Variants in ARHGAP6 observed in about 807,000 individuals in gnomAD.
ARHGAP6 encodes the protein rho GTPase-activating protein 6.
Under a neutral mutation model 55.7 loss-of-function variants are expected in ARHGAP6, and 16 were observed. That is an observed-to-expected ratio of 0.29 (90% CI 0.19 to 0.44). ARHGAP6 has a LOEUF of 0.44. Ranked by LOEUF, ARHGAP6 falls within the 20% of genes least tolerant of loss-of-function variation. The probability of loss-of-function intolerance (pLI) is 1.00; values close to 1 mark genes in which losing one functional copy is unlikely to be tolerated. For missense variants in ARHGAP6, 698 were observed against 808.9 expected (o/e 0.86, Z 1.66); for synonymous variants, 382 against 360.9 (o/e 1.06, Z -0.66).
chrX:11,389,922 C>T (rs1233608952), intron 1 of ARHGAP6, among the ~76,000 whole-genome samples: 1 of 111,812 alleles, frequency 8.9e-6, no homozygotes, highest in Non-Finnish European at 1.9e-5. Flanking sequence ...AACCACTAGT[C>T]TAGTTCTAAT....
chrX:11,390,181 G>A (rs1260542652), intron 1 of ARHGAP6, among the ~76,000 whole-genome samples: 5 of 111,728 alleles, frequency 4.5e-5, no homozygotes, highest in Non-Finnish European at 7.5e-5. Flanking sequence ...TATTAAATAG[G>A]GAATACTTTC....
chrX:11,591,518 T>C (rs892280891), intron 1 of ARHGAP6, among the ~76,000 whole-genome samples: 4 of 110,966 alleles, frequency 3.6e-5, no homozygotes, highest in Admixed American at 9.6e-5. Context: ...GCTCAATCCA[T>C]ACAATGAAAT....
intron 2 of ARHGAP6, among the ~76,000 whole-genome samples, chrX:11,202,615 C>T (rs758879044): frequency 9.2e-6 from 1 of 108,861 alleles, no homozygotes; most frequent in African/African-American, 3.3e-5. Context: ...CGAGACTAGC[C>T]TGGCCAACCT....
At position 11,139,315 on chromosome X, in the gene ARHGAP6, G is replaced by T; in HGVS notation, c.2473C>A (p.Gln825Lys). Reference sequence around the variant, plus strand: ...GGCCGCTCGGCTTTCCCTGCCACCTGGACGTGGGGCGTGCTGCAGGCGCGC... The same window carrying T: ...GGCCGCTCGGCTTTCCCTGCCACCTTGACGTGGGGCGTGCTGCAGGCGCGC... Reference protein sequence around the residue: ...VSRACSTPHVQVAGKAERPTA... With the variant: ...VSRACSTPHVKVAGKAERPTA... Residue 825 changes from glutamine to lysine, a missense_variant, in exon 13 of 13, where the codon CAG becomes AAG. Coordinates refer to ENST00000337414, the MANE Select transcript of ARHGAP6 (RefSeq NM_013427.3). 1 of 1,183,864 alleles carries T rather than the reference G, an allele frequency of 8.4e-7. No individual in the cohort carries two copies.
intron 1 of ARHGAP6, among the ~76,000 whole-genome samples, chrX:11,331,106 G>C (rs1175602410): frequency 1.7e-4 from 19 of 111,696 alleles, no homozygotes; most frequent in Non-Finnish European, 3.8e-5. Context: ...TTTCCTGAAA[G>C]TCAGTCATAA....
chrX:11,567,566 A>AATATATATATAT (rs1556078452), intron 1 of ARHGAP6, among the ~76,000 whole-genome samples: 104 of 83,828 alleles, frequency 1.2e-3, no homozygotes, highest in African/African-American at 2.0e-3. Flanking sequence ...AAAAAAAAAA[A>AATATATATATAT]ATATATATAT....
At chrX:11,199,770 C>T (rs1171182622) in intron 2 of ARHGAP6, among the ~76,000 whole-genome samples, 1 of 112,146 alleles carries the variant, frequency 8.9e-6, no homozygotes, top group Non-Finnish European at 1.9e-5. Flanking sequence ...AAAATTTTTT[C>T]ACTTAATTAG....
chrX:11,203,101 A>G lies in ARHGAP6; in HGVS notation c.749-6105T>C, dbSNP rs774050578. On this transcript the variant is annotated intron_variant, in intron 2 of 12. Transcript: ENST00000337414. ...AACAGGTCTTGTCATGTGGCTAGCA[A>G]TCAATATATTTTTACTCAATAAATA... is the stretch of plus-strand genomic sequence containing the variant. Among the ~76,000 whole-genome samples, 13 of 111,619 alleles carry G rather than the reference A, an allele frequency of 1.2e-4. No individual in the cohort carries two copies. The South Asian group carries it at 4.9e-3, about 42-fold the overall frequency.
In ARHGAP6 at chrX:11,664,224, G is replaced by C; in HGVS notation, c.588+17C>G. 8.4e-7 allele frequency: 1 copy of C among 1,186,237 alleles called. No homozygotes were observed. The highest frequency in any genetic ancestry group is 1.1e-6 in the Non-Finnish European group (1 of 881,084). Reference sequence around the variant, plus strand: ...GCCTCCTCCTTGGGCCGTGGGACGCGCAGCGCTGGTCCCTACCTCGGATTT... The same window carrying C: ...GCCTCCTCCTTGGGCCGTGGGACGCCCAGCGCTGGTCCCTACCTCGGATTT... On this transcript the variant is annotated intron_variant, in intron 1 of 12. Coordinates refer to ENST00000337414, the MANE Select transcript of ARHGAP6 (RefSeq NM_013427.3).
intron 1 of ARHGAP6, among the ~76,000 whole-genome samples, chrX:11,527,649 C>T (rs2051004609): frequency 8.9e-6 from 1 of 112,035 alleles, no homozygotes. Flanking sequence ...AAGAATTAAC[C>T]AATTGTCTGC....
chrX:11,249,011 C>A (rs974962166), intron 2 of ARHGAP6, among the ~76,000 whole-genome samples: 1 of 111,968 alleles, frequency 8.9e-6, no homozygotes, highest in Non-Finnish European at 1.9e-5. Flanking sequence ...AAATGTGGAA[C>A]CAACCCAAAT....
At chrX:11,240,910 T>C (rs2047266838) in intron 2 of ARHGAP6, among the ~76,000 whole-genome samples, 1 of 65,969 alleles carries the variant, frequency 1.5e-5, no homozygotes, top group African/African-American at 6.3e-5. Flanking sequence ...CTGGGCATGG[T>C]GGCACGTGCC....
chrX:11,613,955 C>T (rs968189416), intron 1 of ARHGAP6, among the ~76,000 whole-genome samples: 22 of 112,362 alleles, frequency 2.0e-4, no homozygotes, highest in Non-Finnish European at 3.4e-4. Flanking sequence ...GCCAAGAACC[C>T]TTGGCAGGAA....
intron 1 of ARHGAP6, among the ~76,000 whole-genome samples, chrX:11,296,209 T>C (rs2048081185): frequency 8.9e-6 from 1 of 112,456 alleles, no homozygotes; most frequent in Non-Finnish European, 1.9e-5. Flanking sequence ...GTGGCTTCTT[T>C]TGTTGTATGG....
Position 11,359,431 on chromosome X carries a change from G to A in ARHGAP6, c.589-104724C>T, listed in dbSNP as rs778480996. Among the ~76,000 whole-genome samples, 88 of 112,196 alleles carry A rather than the reference G, an allele frequency of 7.8e-4. 1 individual carries two copies. Among genetic ancestry groups the A allele is most frequent in the African/African-American group, 2.8e-3 (86 of 30,951 alleles). On this transcript the variant is annotated intron_variant, in intron 1 of 12. Transcript: ENST00000337414. ...TTAATTCTGTAAGTGGCACTTAAAG[G>A]AAGATTAAAGGTAACCAAACAGTCT...
rs140662008 is a variant in ARHGAP6 at position 11,647,396 on chromosome X, C to T, written c.588+16845G>A. On this transcript the variant is annotated intron_variant, in intron 1 of 12. Coordinates refer to ENST00000337414, the MANE Select transcript of ARHGAP6 (RefSeq NM_013427.3). ...TTTCATCTTGGATTTCTCTTAGCCTCCCACATTAACAAATGCAGCACCCAA... is the reference window on the plus strand; with the variant it reads ...TTTCATCTTGGATTTCTCTTAGCCTTCCACATTAACAAATGCAGCACCCAA... Among the ~76,000 whole-genome samples the T allele has an allele frequency of 2.7e-3, 307 of 112,280 alleles. 1 individual carries two copies. Among genetic ancestry groups the T allele is most frequent in the African/African-American group, 9.5e-3 (293 of 30,901 alleles).
In ARHGAP6 at chrX:11,222,162, A is replaced by G. The variant is rs1291759192; in HGVS notation, c.749-25166T>C. 4.4e-5 allele frequency among the ~76,000 whole-genome samples: 5 copies of G among 112,379 alleles called. No individual in the cohort carries two copies. In the East Asian group the frequency reaches 1.1e-3, roughly 25 times the overall value. The stretch of plus-strand genomic sequence containing the variant: ...TAATTAATTGGATCCAAAAACTCAT[A>G]AACTTTATATTGCCATGTGAAATAT... On this transcript the variant is annotated intron_variant, in intron 2 of 12. Coordinates refer to ENST00000337414, the MANE Select transcript of ARHGAP6 (RefSeq NM_013427.3).
At chrX:11,519,406 T>C (rs1429482521) in intron 1 of ARHGAP6, among the ~76,000 whole-genome samples, 4 of 109,538 alleles carry the variant, frequency 3.7e-5, no homozygotes, top group East Asian at 2.9e-4. Context: ...CATTTTTTCA[T>C]GTGTTTTTTG....
chrX:11,381,409 T>C (rs1022060073), intron 1 of ARHGAP6, among the ~76,000 whole-genome samples: 1 of 112,144 alleles, frequency 8.9e-6, no homozygotes, highest in Non-Finnish European at 1.9e-5. Flanking sequence ...ATTTGAAACA[T>C]AGATGTGTTT....
Sources: gnomAD v4.1 joint callset for allele counts (sites outside exome capture counted in the v4.1 genomes callset) on GRCh38, gnomAD v4.1.1 for gene constraint, MANE v1.5 for transcripts, NCBI Gene and HGNC (gene_info 2026-07-23, HGNC 2026-07-21) for gene names.